The following SDK1 variants were observed in gnomAD, a reference collection of about 807,000 sequenced individuals.
SDK1 encodes the protein sidekick cell adhesion molecule 1, also known as protein sidekick-1.
Under a neutral mutation model 245.5 loss-of-function variants are expected in SDK1, and 157 were observed. That is an observed-to-expected ratio of 0.64 (90% confidence interval 0.56 to 0.73). The LOEUF is 0.73. Among genes scored for constraint, SDK1 ranks in the 30% least tolerant of loss-of-function variants. SDK1 has a pLI of 0.00. For synonymous variants in SDK1, 1,647 were observed against 1,278.5 expected, an observed-to-expected ratio of 1.29 and a Z score of -6.15; for missense variants, 3,583 against 3,002.3, an observed-to-expected ratio of 1.19 and a Z score of -4.52.
intron 1 of SDK1, among the ~76,000 whole-genome samples, chr7:3,488,270 T>TTTTTC (rs1293036836): frequency 5.9e-5 from 9 of 152,152 alleles, no homozygotes; most frequent in Non-Finnish European, 1.3e-4. Flanking sequence ...TTTATTTGCT[T>TTTTTC]TTTTCTTTTC....
intron 17 of SDK1, among the ~76,000 whole-genome samples, chr7:4,020,799 G>C (rs17330921): frequency 2.6e-5 from 4 of 152,094 alleles, no homozygotes; most frequent in Non-Finnish European, 5.9e-5. Flanking sequence ...ACCTGTGCCC[G>C]TTCTGAGCCT....
intron 1 of SDK1, among the ~76,000 whole-genome samples, chr7:3,435,453 C>T (rs1171761897): frequency 1.3e-5 from 2 of 149,922 alleles, no homozygotes; most frequent in African/African-American, 4.9e-5. Context: ...GCCTCAGGCT[C>T]CTGAGTAGCT....
At chr7:3,345,301 T>C (rs990692843) in intron 1 of SDK1, among the ~76,000 whole-genome samples, 9 of 152,212 alleles carry the variant, frequency 5.9e-5, no homozygotes, top group Admixed American at 5.2e-4. Context: ...AAAGAATACA[T>C]TGAAAAAAGA....
At chr7:4,043,863 G>C (rs1436929595) in intron 17 of SDK1, among the ~76,000 whole-genome samples, 1 of 151,930 alleles carries the variant, frequency 6.6e-6, no homozygotes, top group African/African-American at 2.4e-5. Flanking sequence ...ATGAGATGCC[G>C]TCCTCAACCC....
At chr7:3,393,933 G>T (rs1475421072) in intron 1 of SDK1, among the ~76,000 whole-genome samples, 1 of 152,046 alleles carries the variant, frequency 6.6e-6, no homozygotes, top group Admixed American at 6.6e-5. Context: ...TAAAGAGTTA[G>T]GCATTTATTA....
chr7:4,014,798 G>A (rs1786264593), intron 16 of SDK1, among the ~76,000 whole-genome samples: 1 of 152,178 alleles, frequency 6.6e-6, no homozygotes, highest in Non-Finnish European at 1.5e-5. Flanking sequence ...ACCAGCAAGA[G>A]GAGGCTGCCC....
chr7:3,313,633 C>G (rs57348351), intron 1 of SDK1, among the ~76,000 whole-genome samples: 2,977 of 152,258 alleles, frequency 0.02, 101 homozygotes, highest in African/African-American at 0.068. Flanking sequence ...AGTACTCATA[C>G]TGCAGATTAA....
At chr7:3,375,609 T>C (rs1161947555) in intron 1 of SDK1, among the ~76,000 whole-genome samples, 1 of 152,168 alleles carries the variant, frequency 6.6e-6, no homozygotes, top group Non-Finnish European at 1.5e-5. Context: ...TCATTTGCTC[T>C]TGGGGGAGCT....
chr7:3,663,459 C>A (rs747086108), intron 4 of SDK1, among the ~76,000 whole-genome samples: 2 of 152,054 alleles, frequency 1.3e-5, no homozygotes, highest in Non-Finnish European at 2.9e-5. Flanking sequence ...GTTCTCAGGG[C>A]CTTGCTTGTT....
intron 1 of SDK1, among the ~76,000 whole-genome samples, chr7:3,348,163 A>C (rs1201798303): frequency 6.6e-6 from 1 of 152,170 alleles, no homozygotes; most frequent in Non-Finnish European, 1.5e-5. Context: ...TGATGCACTT[A>C]GGTTTTAATG....
At chr7:3,939,878 G>A (rs147882207) in intron 5 of SDK1, among the ~76,000 whole-genome samples, 11 of 152,304 alleles carry the variant, frequency 7.2e-5, no homozygotes, top group East Asian at 1.9e-4. Context: ...CAGTCTTCAC[G>A]TAGTCCCAAA....
intron 4 of SDK1, among the ~76,000 whole-genome samples, chr7:3,810,134 T>C (rs1359314658): frequency 1.3e-5 from 2 of 152,202 alleles, no homozygotes; most frequent in East Asian, 3.8e-4. Context: ...CAGAGTATCC[T>C]GGGGAGAGGA....
At chr7:3,388,723 A>G (rs977973260) in intron 1 of SDK1, among the ~76,000 whole-genome samples, 5 of 152,220 alleles carry the variant, frequency 3.3e-5, no homozygotes, top group African/African-American at 1.2e-4. Flanking sequence ...GGAGAATTTT[A>G]TAAAGTATGA....
intron 19 of SDK1, among the ~76,000 whole-genome samples, chr7:4,062,014 G>T (rs4634532): frequency 6.7e-6 from 1 of 149,394 alleles, no homozygotes; most frequent in Non-Finnish European, 1.5e-5. Context: ...GATAGCACTA[G>T]GAGATATACC....
intron 4 of SDK1, among the ~76,000 whole-genome samples, chr7:3,732,412 GA>G (rs1194674493): frequency 2.6e-5 from 4 of 152,308 alleles, no homozygotes; most frequent in African/African-American, 9.6e-5. Context: ...AAAGATAGAG[GA>G]AGATTTTTTA....
intron 5 of SDK1, among the ~76,000 whole-genome samples, chr7:3,900,936 G>A (rs1162990501): frequency 1.3e-5 from 2 of 151,684 alleles, no homozygotes; most frequent in Admixed American, 6.6e-5. Flanking sequence ...ATTCAAATGT[G>A]CCTAATTGTA....
chr7:4,265,075 G>C (rs1268786205), intron 44 of SDK1, 49 bp from the exon 45 acceptor site: 1 of 1,513,280 alleles, frequency 6.6e-7, no homozygotes, highest in African/African-American at 1.4e-5. Context: ...GCACGCTCCG[G>C]GCCCTGCGCC....
At chr7:3,716,104 A>G (rs990503721) in intron 4 of SDK1, among the ~76,000 whole-genome samples, 1 of 149,116 alleles carries the variant, frequency 6.7e-6, no homozygotes, top group Non-Finnish European at 1.5e-5. Flanking sequence ...CCAACAATGA[A>G]AAAGGTAGAC....
intron 14 of SDK1, among the ~76,000 whole-genome samples, chr7:3,994,155 A>G (rs1583765337): frequency 6.6e-6 from 1 of 152,112 alleles, no homozygotes; most frequent in Non-Finnish European, 1.5e-5. Context: ...ATGTTAGTCC[A>G]TGGTTCACCT....
Sources: allele counts gnomAD v4.1 joint callset (sites outside exome capture counted in the v4.1 genomes callset), GRCh38; gene constraint gnomAD v4.1.1; transcripts MANE v1.5; gene names NCBI Gene and HGNC (gene_info 2026-07-23, HGNC 2026-07-21).